CAPS2: variants seen among roughly 807,000 people sequenced by gnomAD.
The protein encoded by CAPS2 is calcyphosin-2.
CAPS2 carries 98 observed loss-of-function variants against 86.5 expected under a neutral mutation model. That is an observed-to-expected ratio of 1.13 (90% confidence interval 0.96 to 1.34). CAPS2 has a LOEUF of 1.34. Among genes scored for constraint, CAPS2 ranks in the 40% most tolerant of loss-of-function variants. The pLI is 0.00. For missense variants in CAPS2, 729 were observed against 686.8 expected (o/e 1.06, Z -0.69); for synonymous variants, 210 against 225.1 (o/e 0.93, Z 0.60).
intron 1 of CAPS2, among the ~76,000 whole-genome samples, chr12:75,387,103 T>C (rs1164419909): frequency 6.6e-6 from 1 of 151,994 alleles, no homozygotes; most frequent in Non-Finnish European, 1.5e-5. Flanking sequence ...CAAAAGACAT[T>C]CTCAAGAGAA....
chr12:75,291,510 TATATATATATATAG>T, intron 13 of CAPS2, among the ~76,000 whole-genome samples: 2 of 111,968 alleles, frequency 1.8e-5, no homozygotes, highest in Admixed American at 9.4e-5. Context: ...TATATATATA[TATATATATATATAG>T]CTTATTTTAA....
chr12:75,377,916 T>G (rs950761896), intron 1 of CAPS2, among the ~76,000 whole-genome samples: 1 of 151,634 alleles, frequency 6.6e-6, no homozygotes, highest in Non-Finnish European at 1.5e-5. Flanking sequence ...TATAATCATT[T>G]TAAATGTATT....
intron 1 of CAPS2, among the ~76,000 whole-genome samples, chr12:75,388,791 G>A (rs1002633267): frequency 5.3e-5 from 8 of 152,086 alleles, no homozygotes; most frequent in Admixed American, 2.0e-4. Context: ...TATGAACTCT[G>A]GGTGGGAATA....
At chr12:75,358,640 T>C (rs1246781005) in intron 1 of CAPS2, among the ~76,000 whole-genome samples, 1 of 149,732 alleles carries the variant, frequency 6.7e-6, no homozygotes, top group East Asian at 1.9e-4. Context: ...AGACAGTAAA[T>C]ATGTTAGACT....
chr12:75,297,787 C>T (rs1039219466), intron 11 of CAPS2, among the ~76,000 whole-genome samples: 3 of 152,180 alleles, frequency 2.0e-5, no homozygotes, highest in Non-Finnish European at 4.4e-5. Context: ...GTGCTCTCTT[C>T]CTTTTTGTTC....
chr12:75,346,614 C>T (rs2042465440), intron 1 of CAPS2, among the ~76,000 whole-genome samples: 1 of 152,188 alleles, frequency 6.6e-6, no homozygotes, highest in Admixed American at 6.5e-5. Flanking sequence ...TGACCTCGAA[C>T]TCCTGACCTC....
upstream of CAPS2, chr12:75,334,569 C>G: frequency 7.0e-7 from 1 of 1,425,118 alleles, no homozygotes; most frequent in Non-Finnish European, 9.2e-7. Context: ...TTCTTCCCCA[C>G]AGCGACACTG....
chr12:75,372,211 C>A (rs1370825103), intron 1 of CAPS2, among the ~76,000 whole-genome samples: 2 of 152,084 alleles, frequency 1.3e-5, no homozygotes, highest in South Asian at 4.1e-4. Context: ...TGGGGTTTCA[C>A]CATGTTGGCC....
upstream of CAPS2, among the ~76,000 whole-genome samples, chr12:75,333,235 T>G (rs941384109): frequency 8.3e-6 from 1 of 120,954 alleles, no homozygotes; most frequent in Non-Finnish European, 1.7e-5. Context: ...TAGATGTATA[T>G]ATGTCTATAG....
rs186413555 is a variant in CAPS2 at position 75,372,699 on chromosome 12, G to C, written c.-395+18139C>G. Reference sequence around the variant, plus strand: ...AAGAACTTTGCCCCAGCTCTGTAAAGTATTGTCACCTAATTGGCGTAATTA... The same window carrying C: ...AAGAACTTTGCCCCAGCTCTGTAAACTATTGTCACCTAATTGGCGTAATTA... On this transcript the variant is annotated intron_variant, in intron 1 of 5. Coordinates refer to the CAPS2 transcript ENST00000551829. Among the ~76,000 whole-genome samples, 7 of 152,230 alleles carry C rather than the reference G, an allele frequency of 4.6e-5. No homozygotes were observed. In the East Asian group the frequency reaches 1.4e-3, roughly 29 times the overall value.
chr12:75,373,007 C>T lies in CAPS2; in HGVS notation c.-395+17831G>A, dbSNP rs150526363. On this transcript the variant is annotated intron_variant, in intron 1 of 5. Coordinates refer to the CAPS2 transcript ENST00000551829. ...ATTCCAATGAGGATAAATCACTGCCCTTTCCATGACGGAGGCAGTCCAATG... is the reference window on the plus strand; with the variant it reads ...ATTCCAATGAGGATAAATCACTGCCTTTTCCATGACGGAGGCAGTCCAATG... Among the ~76,000 whole-genome samples the T allele has an allele frequency of 1.5e-3, 228 of 152,328 alleles. 1 individual carries two copies. The highest frequency in any genetic ancestry group is 2.6e-3 in the Non-Finnish European group (176 of 68,022).
intron 8 of CAPS2, among the ~76,000 whole-genome samples, chr12:75,303,065 A>G (rs1256428378): frequency 6.6e-6 from 1 of 152,240 alleles, no homozygotes; most frequent in African/African-American, 2.4e-5. Flanking sequence ...ACCAAAAGGC[A>G]TGAACAAGGA....
At chr12:75,332,387 CCTA>C (rs1386067860), upstream of CAPS2, among the ~76,000 whole-genome samples, 3 of 152,168 alleles carry the variant, frequency 2.0e-5, no homozygotes, top group African/African-American at 4.8e-5. Flanking sequence ...TCACTGAGTA[CCTA>C]CTACTTGAAA....
At chr12:75,331,725 G>C (rs1004818659), upstream of CAPS2, among the ~76,000 whole-genome samples, 1 of 151,644 alleles carries the variant, frequency 6.6e-6, no homozygotes, top group Non-Finnish European at 1.5e-5. Flanking sequence ...CACTACGCCC[G>C]GCTAATTTTT....
chr12:75,301,879 G>A (rs1240533606), intron 8 of CAPS2, among the ~76,000 whole-genome samples: 1 of 152,144 alleles, frequency 6.6e-6, no homozygotes, highest in African/African-American at 2.4e-5. Context: ...AGGAACCCAA[G>A]TTCTCTACCA....
chr12:75,370,119 TC>T (rs2044262855), intron 1 of CAPS2: 6 of 1,608,202 alleles, frequency 3.7e-6, no homozygotes, highest in Non-Finnish European at 5.1e-6. Context: ...GGAGAGCACC[TC>T]AGCAGACAGC....
At chr12:75,305,382 C>T (rs544477671) in intron 7 of CAPS2, 2 of 385,198 alleles carry the variant, frequency 5.2e-6, no homozygotes, top group East Asian at 6.0e-5. Flanking sequence ...CTCCAGGAGT[C>T]GGCGGAGGGA....
intron 1 of CAPS2, among the ~76,000 whole-genome samples, chr12:75,340,689 G>A (rs1201417424): frequency 1.4e-5 from 2 of 146,946 alleles, no homozygotes; most frequent in African/African-American, 5.0e-5. Flanking sequence ...ATATATTTAA[G>A]AAAGAACTCC....
intron 1 of CAPS2, chr12:75,369,925 A>T: frequency 8.0e-7 from 1 of 1,246,202 alleles, no homozygotes; most frequent in Non-Finnish European, 1.1e-6. Flanking sequence ...TTGTTTTATA[A>T]CATTTTATAA....
Sources: allele counts gnomAD v4.1 joint callset (sites outside exome capture counted in the v4.1 genomes callset), GRCh38; gene constraint gnomAD v4.1.1; transcripts MANE v1.5; gene names NCBI Gene and HGNC (gene_info 2026-07-23, HGNC 2026-07-21).